The following CYTH3 variants were observed in gnomAD, a reference collection of about 807,000 sequenced individuals.
CYTH3 encodes the protein cytohesin-3.
A neutral mutation model predicts 55.1 loss-of-function variants in CYTH3; 23 were observed. The ratio of observed to expected loss-of-function variants is 0.42; its 90% CI spans 0.30 to 0.59. CYTH3 has a LOEUF of 0.59. Among genes scored for constraint, CYTH3 ranks in the 20% least tolerant of loss-of-function variants. The pLI, the probability that CYTH3 is intolerant of heterozygous loss-of-function variation, is 0.20. For missense variants in CYTH3, 413 were observed against 524.8 expected, an observed-to-expected ratio of 0.79 and a Z score of 2.08; for synonymous variants, 249 against 194.9, an observed-to-expected ratio of 1.28 and a Z score of -2.31.
chr7:6,187,743 G>A (rs750611429), intron 2 of CYTH3, 22 bp from the exon 3 acceptor site: 3 of 1,609,828 alleles, frequency 1.9e-6, no homozygotes, highest in East Asian at 2.2e-5. Context: ...GAAGAATTTC[G>A]AGGTGGGGAG....
chr7:6,186,506 T>C lies in CYTH3; in HGVS notation c.249+544A>G, dbSNP rs1268659951. On this transcript the variant is annotated intron_variant, in intron 4 of 12. Coordinates refer to ENST00000350796, the MANE Select transcript of CYTH3 (RefSeq NM_004227.4). ...GAGTGTCTCCCTAGAAAATCCAACT[T>C]GAGGAAAGAGAAAGATGCTGGCTTA... Among the ~76,000 whole-genome samples, 4 of 152,246 alleles carry C rather than the reference T, an allele frequency of 2.6e-5. No individual in the cohort carries two copies. In the South Asian group the frequency reaches 6.2e-4, roughly 24 times the overall value.
At chr7:6,179,228 A>C (rs1240323536) in intron 4 of CYTH3, among the ~76,000 whole-genome samples, 1 of 152,240 alleles carries the variant, frequency 6.6e-6, no homozygotes, top group African/African-American at 2.4e-5. Flanking sequence ...ACAAGAATGA[A>C]TCTCACAGAC....
intron 1 of CYTH3, among the ~76,000 whole-genome samples, chr7:6,259,049 T>G (rs1405667132): frequency 6.6e-6 from 1 of 152,230 alleles, no homozygotes; most frequent in African/African-American, 2.4e-5. Context: ...AAAGAGCATG[T>G]GTTTCATACG....
intron 1 of CYTH3, among the ~76,000 whole-genome samples, chr7:6,249,792 G>A (rs1348912454): frequency 6.6e-6 from 1 of 152,006 alleles, no homozygotes; most frequent in Non-Finnish European, 1.5e-5. Context: ...CTTGATTAAG[G>A]AGACACTGTG....
At chr7:6,166,657 G>A (rs1783019403) in intron 9 of CYTH3, among the ~76,000 whole-genome samples, 1 of 152,168 alleles carries the variant, frequency 6.6e-6, no homozygotes, top group African/African-American at 2.4e-5. Flanking sequence ...CCCTGTTGGG[G>A]CCTGGTTTGC....
chr7:6,203,684 C>G (rs1169349617), intron 1 of CYTH3, among the ~76,000 whole-genome samples: 3 of 151,888 alleles, frequency 2.0e-5, no homozygotes, highest in African/African-American at 7.3e-5. Context: ...AAATAAGCTT[C>G]AGGAATACCT....
chr7:6,208,755 G>A (rs1327053977), intron 1 of CYTH3, among the ~76,000 whole-genome samples: 1 of 152,160 alleles, frequency 6.6e-6, no homozygotes, highest in Non-Finnish European at 1.5e-5. Flanking sequence ...TGCCCAGGCT[G>A]GTCTGAAGCG....
At chr7:6,248,158 C>T (rs1362300570) in intron 1 of CYTH3, among the ~76,000 whole-genome samples, 1 of 150,406 alleles carries the variant, frequency 6.6e-6, no homozygotes, top group Non-Finnish European at 1.5e-5. Context: ...ATTATATCCC[C>T]CTCCTATTTT....
Position 6,169,248 on chromosome 7 carries a change from T to A in CYTH3, c.823+1287A>T, listed in dbSNP as rs1158630553. On this transcript the variant is annotated intron_variant, in intron 9 of 12. Transcript: ENST00000350796. The surrounding 1 kb of genome is among the most constrained non-coding windows in gnomAD (Gnocchi z 4.1). The stretch of plus-strand genomic sequence containing the variant: ...TGATGTTTATTTTTTTGAGACGAGG[T>A]CTCACTCTGTCGCCGAGGTGGGAGA... Among the ~76,000 whole-genome samples the A allele has an allele frequency of 2.0e-5, 3 of 152,064 alleles. No homozygotes were observed. The highest frequency in any genetic ancestry group is 2.9e-5 in the Non-Finnish European group (2 of 68,006).
intron 1 of CYTH3, among the ~76,000 whole-genome samples, chr7:6,267,196 C>T (rs987516111): frequency 6.6e-6 from 1 of 152,226 alleles, no homozygotes; most frequent in Admixed American, 6.5e-5. Flanking sequence ...TGGCACCATG[C>T]CTGTACAGCT....
rs1783197469 is a variant in CYTH3, at chr7:6,171,609, G to A, written c.450-295C>T. The A allele has an allele frequency of 3.0e-6, 1 of 334,154 alleles. No homozygotes were observed. Among genetic ancestry groups the A allele is most frequent in the African/African-American group, 2.1e-5 (1 of 47,522 alleles). 20.7% of individuals were successfully genotyped at this position (334,154 alleles called of 1,614,324 possible). A position where few individuals can be genotyped will look rare whatever the true frequency, so the allele number is the denominator to read the frequency against. ...ATATCCAGGATCCTGGCACTTCTCTGTCCCCATTGCCACCATCTCCTGCTG... is the reference window on the plus strand; with the variant it reads ...ATATCCAGGATCCTGGCACTTCTCTATCCCCATTGCCACCATCTCCTGCTG... On this transcript the variant is annotated intron_variant, in intron 6 of 12. Coordinates refer to ENST00000350796, the MANE Select transcript of CYTH3 (RefSeq NM_004227.4). This position sits in a 1 kb window ranked among gnomAD's most constrained non-coding sequence, Gnocchi z 6.7.
In CYTH3 at chr7:6,272,552, A is replaced by T; in HGVS notation, c.-45T>A. The T allele has an allele frequency of 1.7e-6, 2 of 1,190,566 alleles. No individual in the cohort carries two copies. The highest frequency in any genetic ancestry group is 1.1e-6 in the Non-Finnish European group (1 of 946,810). 73.8% of individuals were successfully genotyped at this position (1,190,566 alleles called of 1,614,324 possible). ...CCGGCGAGCCGGGGGCCGGCAGCAGAGGGGCCGCGGGCTGGGGACGCCGCC... is the reference window on the plus strand; with the variant it reads ...CCGGCGAGCCGGGGGCCGGCAGCAGTGGGGCCGCGGGCTGGGGACGCCGCC... On this transcript the variant is annotated 5_prime_UTR_variant, in exon 1 of 13. Transcript: ENST00000350796.
Position 6,173,283 on chromosome 7 carries a change from G to A in CYTH3, c.449+370C>T, listed in dbSNP as rs755680300. Among the ~76,000 whole-genome samples the A allele has an allele frequency of 8.5e-5, 13 of 152,194 alleles. No individual in the cohort carries two copies. In the South Asian group the frequency reaches 2.3e-3, roughly 27 times the overall value. ...CTCTGGCACACTCAGGTATCCATGC[G>A]TTTGGTGCTTTGGGTCAAGTGTGGA... On this transcript the variant is annotated intron_variant, in intron 6 of 12. Coordinates refer to ENST00000350796, the MANE Select transcript of CYTH3 (RefSeq NM_004227.4).
chr7:6,190,519 A>G lies in CYTH3; in HGVS notation c.47T>C (p.Leu16Pro). Residue 16 changes from leucine (L) to proline (P), a missense_variant, in exon 2 of 13, where the codon CTC becomes CCC. Leu to Pro is a moderately conservative substitution (Grantham distance 98, BLOSUM62 -3). Coordinates refer to ENST00000350796, the MANE Select transcript of CYTH3 (RefSeq NM_004227.4). The stretch of plus-strand genomic sequence containing the variant: ...AAGTTCTTCTCTCTCTTCTAATGAG[A>G]GGTCTTCAGGCACTGAAAGAAGAAA... ...GGEGGGVPEDLSLEEREELLD... is the reference protein window; with the variant it reads ...GGEGGGVPEDPSLEEREELLD... 1 of 1,515,216 alleles carries G rather than the reference A, an allele frequency of 6.6e-7. No individual in the cohort carries two copies. Among genetic ancestry groups the G allele is most frequent in the Non-Finnish European group, 8.8e-7 (1 of 1,140,716 alleles). The allele number at this position is 1,515,216 out of a possible 1,614,324, so 93.9% of individuals were successfully genotyped here. A position where few individuals can be genotyped will look rare whatever the true frequency, so the allele number is the denominator to read the frequency against.
chr7:6,224,356 A>G (rs1423123101), intron 1 of CYTH3, among the ~76,000 whole-genome samples: 1 of 151,712 alleles, frequency 6.6e-6, no homozygotes, highest in Non-Finnish European at 1.5e-5. Flanking sequence ...CCGACTATAG[A>G]GCCTAAAAAC....
chr7:6,170,701 C>T lies in CYTH3; in HGVS notation c.712-55G>A, dbSNP rs1562875897. On this transcript the variant is annotated intron_variant, in intron 8 of 12. Coordinates refer to ENST00000350796, the MANE Select transcript of CYTH3 (RefSeq NM_004227.4). The surrounding 1 kb of genome is among the most constrained non-coding windows in gnomAD (Gnocchi z 7.8). ...AGAGACTCGGAGGAAAATGGCTGGCCGGGCAGAAAGCTCAGCGGGACCAGG... is the reference window on the plus strand; with the variant it reads ...AGAGACTCGGAGGAAAATGGCTGGCTGGGCAGAAAGCTCAGCGGGACCAGG... The T allele has an allele frequency of 3.8e-6, 6 of 1,586,184 alleles. No individual in the cohort carries two copies. The East Asian group carries it at 1.1e-4, about 30-fold the overall frequency.
intron 1 of CYTH3, among the ~76,000 whole-genome samples, chr7:6,261,689 CAAAAAAAAAAA>C (rs71549614): frequency 2.1e-5 from 1 of 47,492 alleles, no homozygotes; most frequent in South Asian, 8.3e-4. Context: ...GACCCTGTCT[CAAAAAAAAAAA>C]AAAAAAAAAA....
intron 1 of CYTH3, among the ~76,000 whole-genome samples, chr7:6,217,698 T>C (rs988019203): frequency 1.3e-5 from 2 of 152,014 alleles, no homozygotes; most frequent in Non-Finnish European, 2.9e-5. Context: ...CAACAAAGTC[T>C]CAGAAAGATT....
At chr7:6,196,287 T>C (rs1238128075) in intron 1 of CYTH3, among the ~76,000 whole-genome samples, 1 of 151,956 alleles carries the variant, frequency 6.6e-6, no homozygotes, top group African/African-American at 2.4e-5. Context: ...GATCAAGAGA[T>C]AACGTGAGAA....
Sources: gnomAD v4.1 joint callset for allele counts (sites outside exome capture counted in the v4.1 genomes callset) on GRCh38, gnomAD v4.1.1 for gene constraint, Gnocchi (gnomAD v3.1) non-coding constraint, MANE v1.5 for transcripts, NCBI Gene and HGNC (gene_info 2026-07-23, HGNC 2026-07-21) for gene names.